Variants in THSD7B observed in about 807,000 individuals in gnomAD.
The protein encoded by THSD7B is thrombospondin type-1 domain-containing protein 7B.
Under a neutral mutation model 213.6 loss-of-function variants are expected in THSD7B, and 138 were observed. The observed-to-expected ratio is 0.65, with a 90% CI of 0.56 to 0.74. The LOEUF (loss-of-function observed/expected upper bound fraction) is 0.74, where lower values mean the gene tolerates loss of function less well. Among genes scored for constraint, THSD7B ranks in the 30% least tolerant of loss-of-function variants. The pLI is 0.00. For synonymous variants in THSD7B, 742 were observed against 687.0 expected (o/e 1.08, Z -1.25); for missense variants, 1,931 against 1,991.5 (o/e 0.97, Z 0.58).
At chr2:137,069,812 TA>T (rs1687446922) in intron 3 of THSD7B, among the ~76,000 whole-genome samples, 1 of 151,364 alleles carries the variant, frequency 6.6e-6, no homozygotes. Flanking sequence ...GAAATGTATA[TA>T]TTTATATGAT....
intron 1 of THSD7B, 50 bp downstream of exon 1, chr2:136,765,737 C>A (rs1681376304): frequency 6.6e-6 from 1 of 152,260 alleles, no homozygotes; most frequent in African/African-American, 2.4e-5. Context: ...GGCCCCCTGG[C>A]CGGCCGACTG....
intron 12 of THSD7B, among the ~76,000 whole-genome samples, chr2:137,292,759 C>T (rs567936608): frequency 7.2e-5 from 11 of 152,128 alleles, no homozygotes; most frequent in Admixed American, 3.3e-4. Flanking sequence ...TCTTTAACTC[C>T]CAACTGCAAT....
intron 15 of THSD7B, among the ~76,000 whole-genome samples, chr2:137,540,831 A>G (rs1030848876): frequency 6.6e-6 from 1 of 151,746 alleles, no homozygotes; most frequent in Non-Finnish European, 1.5e-5. Flanking sequence ...AGAGAATGAG[A>G]TGTTCACAGG....
At chr2:137,377,494 T>G (rs1685683792) in intron 12 of THSD7B, among the ~76,000 whole-genome samples, 1 of 152,178 alleles carries the variant, frequency 6.6e-6, no homozygotes, top group African/African-American at 2.4e-5. Context: ...ATTCCTAAGA[T>G]TTCTGGAAAG....
At chr2:136,924,683 T>A (rs548775417) in intron 2 of THSD7B, among the ~76,000 whole-genome samples, 1 of 152,290 alleles carries the variant, frequency 6.6e-6, no homozygotes, top group South Asian at 2.1e-4. Flanking sequence ...TCTACATGAA[T>A]TTTAGGATTT....
intron 15 of THSD7B, among the ~76,000 whole-genome samples, chr2:137,544,063 C>T (rs1455652552): frequency 1.3e-5 from 2 of 151,650 alleles, no homozygotes; most frequent in African/African-American, 4.8e-5. Flanking sequence ...GGCAGTTTCT[C>T]AAAATGGTAA....
chr2:136,819,385 G>A (rs774653369), intron 1 of THSD7B, among the ~76,000 whole-genome samples: 2 of 152,072 alleles, frequency 1.3e-5, no homozygotes, highest in African/African-American at 4.8e-5. Flanking sequence ...ACTGGGTTGG[G>A]ATTGGGTTTG....
At chr2:137,357,165 TTTTGG>T (rs1685151518) in intron 12 of THSD7B, among the ~76,000 whole-genome samples, 1 of 152,212 alleles carries the variant, frequency 6.6e-6, no homozygotes, top group African/African-American at 2.4e-5. Flanking sequence ...CAGGAAAAGA[TTTTGG>T]TGGGTACCAA....
chr2:137,457,517 C>A (rs143131411), intron 15 of THSD7B, among the ~76,000 whole-genome samples: 1 of 152,110 alleles, frequency 6.6e-6, no homozygotes, highest in African/African-American at 2.4e-5. Flanking sequence ...TCATATTATC[C>A]CTAATCCCTT....
chr2:137,344,899 G>A (rs1684842997), intron 12 of THSD7B, among the ~76,000 whole-genome samples: 1 of 151,602 alleles, frequency 6.6e-6, no homozygotes, highest in Non-Finnish European at 1.5e-5. Context: ...GTTATCAAAG[G>A]GAGCCTGATA....
chr2:137,566,779 A>G lies in THSD7B; in HGVS notation c.3272+3425A>G, dbSNP rs539084434. Among the ~76,000 whole-genome samples the G allele has an allele frequency of 5.7e-4, 87 of 152,348 alleles. 2 individuals carry two copies. The South Asian group carries it at 0.015, about 26-fold the overall frequency. ...ATAATCTGATGATTATAATAGCAGT[A>G]GAGAAAAAAATGAACACATAAATTA... is the stretch of plus-strand genomic sequence containing the variant. On this transcript the variant is annotated intron_variant, in intron 16 of 27. Coordinates refer to ENST00000409968, the MANE Select transcript of THSD7B (RefSeq NM_001316349.2).
chr2:137,416,984 A>C (rs1686814496), intron 14 of THSD7B, among the ~76,000 whole-genome samples: 2 of 152,354 alleles, frequency 1.3e-5, no homozygotes, highest in East Asian at 3.9e-4. Flanking sequence ...AATGTTTTCT[A>C]TCTGATTCCA....
chr2:137,051,873 C>T (rs78384590), intron 2 of THSD7B, among the ~76,000 whole-genome samples: 14,349 of 152,070 alleles, frequency 0.094, 747 homozygotes, highest in East Asian at 0.17. Context: ...TTTTATTGAA[C>T]ACCACACCTA....
chr2:137,115,787 C>T (rs1004652734), intron 5 of THSD7B, among the ~76,000 whole-genome samples: 1 of 152,116 alleles, frequency 6.6e-6, no homozygotes, highest in African/African-American at 2.4e-5. Context: ...ATAGCTTTCT[C>T]CATAATAAGC....
chr2:137,312,618 T>C (rs959534589), intron 12 of THSD7B, among the ~76,000 whole-genome samples: 1 of 151,260 alleles, frequency 6.6e-6, no homozygotes, highest in African/African-American at 2.4e-5. Context: ...ATTTTGGATC[T>C]TTCCTGCTTT....
chr2:137,014,328 A>C (rs1686293524), intron 2 of THSD7B, among the ~76,000 whole-genome samples: 3 of 152,158 alleles, frequency 2.0e-5, no homozygotes, highest in Admixed American at 2.0e-4. Flanking sequence ...AATGGGGCCA[A>C]AAATAATTTT....
chr2:136,935,831 C>T (rs1013584714), intron 2 of THSD7B, among the ~76,000 whole-genome samples: 4 of 150,796 alleles, frequency 2.7e-5, no homozygotes, highest in African/African-American at 9.7e-5. Flanking sequence ...TATGCTTGGG[C>T]ATATGCCAAG....
intron 1 of THSD7B, among the ~76,000 whole-genome samples, chr2:136,823,832 C>A (rs938578021): frequency 6.6e-6 from 1 of 152,150 alleles, no homozygotes; most frequent in Non-Finnish European, 1.5e-5. Context: ...GGATAAGTTT[C>A]TTCCTTTGAA....
intron 5 of THSD7B, among the ~76,000 whole-genome samples, chr2:137,138,726 G>T (rs1303904648): frequency 6.6e-6 from 1 of 152,160 alleles, no homozygotes; most frequent in Non-Finnish European, 1.5e-5. Flanking sequence ...ATCCAAGAAG[G>T]TGAGCATAGC....
Sources: allele counts gnomAD v4.1 joint callset (sites outside exome capture counted in the v4.1 genomes callset), GRCh38; gene constraint gnomAD v4.1.1; transcripts MANE v1.5; gene names NCBI Gene and HGNC (gene_info 2026-07-23, HGNC 2026-07-21).